RRAGB: variants seen among roughly 807,000 people sequenced by gnomAD.
RRAGB encodes Ras related GTP binding B.
Under a neutral mutation model 29.3 loss-of-function variants are expected in RRAGB, and 6 were observed. That is an observed-to-expected ratio of 0.21 (90% CI 0.11 to 0.40). RRAGB has a LOEUF of 0.40. Ranked by LOEUF, RRAGB falls within the 10% of genes least tolerant of loss-of-function variation. RRAGB has a pLI of 1.00. For synonymous variants in RRAGB, 101 were observed against 92.5 expected (o/e 1.09, Z -0.53); for missense variants, 184 against 272.9 (o/e 0.67, Z 2.29).
At chrX:55,735,182 G>A (rs775624761) in intron 5 of RRAGB, among the ~76,000 whole-genome samples, 11 of 111,669 alleles carry the variant, frequency 9.9e-5, no homozygotes, top group African/African-American at 3.2e-4. Flanking sequence ...TTGACTTTCC[G>A]CCACAATGAT....
intron 5 of RRAGB, among the ~76,000 whole-genome samples, chrX:55,743,257 G>A (rs1453105724): frequency 8.9e-6 from 1 of 112,443 alleles, no homozygotes; most frequent in East Asian, 2.8e-4. Flanking sequence ...TTTGGCAGAA[G>A]AAATGGATGC....
At chrX:55,749,669 T>C (rs1381948147) in intron 5 of RRAGB, among the ~76,000 whole-genome samples, 1 of 110,948 alleles carries the variant, frequency 9.0e-6, no homozygotes, top group Non-Finnish European at 1.9e-5. Context: ...CATGGGAGAC[T>C]TTTCATTTTG....
chrX:55,745,124 A>G (rs950149311), intron 5 of RRAGB, among the ~76,000 whole-genome samples: 1 of 112,326 alleles, frequency 8.9e-6, no homozygotes, highest in Non-Finnish European at 1.9e-5. Flanking sequence ...ACATGCAGCT[A>G]TCTTACCAGT....
At chrX:55,731,978 C>G (rs1391350775) in intron 5 of RRAGB, among the ~76,000 whole-genome samples, 2 of 111,870 alleles carry the variant, frequency 1.8e-5, no homozygotes, top group Non-Finnish European at 3.8e-5. Context: ...TGGTATGCAC[C>G]AGTTCAAGTG....
At chrX:55,749,009 T>G (rs777346010) in intron 5 of RRAGB, among the ~76,000 whole-genome samples, 11 of 56,349 alleles carry the variant, frequency 2.0e-4, no homozygotes, top group Admixed American at 4.2e-4. Flanking sequence ...GGGAGGGAGG[T>G]GGGGGGGTCA....
Position 55,757,331 on chromosome X carries a change from C to T in RRAGB, c.943C>T (p.Pro315Ser), listed in dbSNP as rs761912966. The change falls in exon 9 of 10, where the codon CCT (proline) becomes TCT (serine). Residue 315 changes from proline (P) to serine (S), a missense_variant and splice_region_variant. Transcript: ENST00000374941. ...VMVVMSDPSI[P>S]SAATLINIRN... is the part of the protein sequence containing the mutation. ...GGTTGTGATGTCTGATCCGTCCATT[C>T]GTAAGTTTAAACTTAGCTGACCTAG... 6.3e-6 allele frequency: 7 copies of T among 1,113,355 alleles called. No homozygotes were observed. Among genetic ancestry groups the T allele is most frequent in the Admixed American group, 4.4e-5 (2 of 44,998 alleles). 91.8% of individuals were successfully genotyped at this position (1,113,355 alleles called of 1,213,427 possible).
intron 4 of RRAGB, among the ~76,000 whole-genome samples, chrX:55,729,758 C>T: frequency 8.9e-6 from 1 of 112,334 alleles, no homozygotes; most frequent in Middle Eastern, 4.6e-3. Flanking sequence ...GTAGATCAGA[C>T]ACTGAGCACA....
At position 55,757,281 on chromosome X, in the gene RRAGB, T is replaced by C; in HGVS notation, c.893T>C (p.Ile298Thr). Reference sequence around the variant, plus strand: ...TCTAACTTCGCTGCTTTCATTGACATCTTTACATCCAACACTTATGTGATG... The same window carrying C: ...TCTAACTTCGCTGCTTTCATTGACACCTTTACATCCAACACTTATGTGATG... Reference protein sequence around the residue: ...RNSNFAAFIDIFTSNTYVMVV... With the variant: ...RNSNFAAFIDTFTSNTYVMVV... The change falls in exon 9 of 10, where the codon ATC becomes ACC. Residue 298 changes from isoleucine (I) to threonine (T), a missense_variant. Ile to Thr is a moderately conservative substitution (Grantham distance 89, BLOSUM62 -1). Transcript: ENST00000374941. 1 of 1,195,067 alleles carries C rather than the reference T, an allele frequency of 8.4e-7. No homozygotes were observed. Among genetic ancestry groups the C allele is most frequent in the Non-Finnish European group, 1.1e-6 (1 of 883,063 alleles).
intron 3 of RRAGB, among the ~76,000 whole-genome samples, chrX:55,723,296 G>A (rs964491827): frequency 3.6e-5 from 4 of 109,876 alleles, no homozygotes; most frequent in Non-Finnish European, 7.6e-5. Flanking sequence ...CACCCACAAC[G>A]ACGCCCAGCT....
intron 5 of RRAGB, among the ~76,000 whole-genome samples, chrX:55,742,990 G>A (rs1008788340): frequency 8.1e-5 from 9 of 111,556 alleles, no homozygotes; most frequent in Non-Finnish European, 1.5e-4. Flanking sequence ...CAAGAGGGTT[G>A]CCTAGCCTCG....
At position 55,755,939 on chromosome X, in the gene RRAGB, G is replaced by T; in HGVS notation, c.827+7G>T. 8.9e-7 allele frequency: 1 copy of T among 1,127,962 alleles called. No homozygotes were observed. The highest frequency in any genetic ancestry group is 3.0e-5 in the East Asian group (1 of 33,489). 93.0% of individuals were successfully genotyped at this position (1,127,962 alleles called of 1,213,427 possible). A position where few individuals can be genotyped will look rare whatever the true frequency, so the allele number is the denominator to read the frequency against. On this transcript the variant is annotated splice_region_variant and intron_variant, in intron 8 of 9. Transcript: ENST00000374941. ...AGTTCAAGCTGAGCTGCAGGTAAGA[G>T]ATCTAGTAGGAATGATCTGTTTATC...
chrX:55,754,309 C>A (rs762878927), intron 7 of RRAGB, among the ~76,000 whole-genome samples: 1 of 112,374 alleles, frequency 8.9e-6, no homozygotes, highest in Non-Finnish European at 1.9e-5. Context: ...GTAAATTGAA[C>A]TTAGCAACTA....
chrX:55,729,672 C>T, intron 4 of RRAGB, among the ~76,000 whole-genome samples: 1 of 111,719 alleles, frequency 9.0e-6, no homozygotes, highest in Admixed American at 9.5e-5. Flanking sequence ...CAGTGCTGAG[C>T]TCTTAGCTGT....
Position 55,758,335 on chromosome X carries a change from A to G in RRAGB, c.1033A>G (p.Met345Val). The G allele has an allele frequency of 8.5e-7, 1 of 1,178,016 alleles. No homozygotes were observed. The stretch of plus-strand genomic sequence containing the variant: ...GGATGGACCAAAGCAGTGTCTTCTC[A>G]TGCGCTAAACATTGATGAATATTGT... ...RVDGPKQCLLMR is the reference protein window; with the variant it reads ...RVDGPKQCLLVR The change falls in exon 10 of 10, where the codon ATG (methionine) becomes GTG (valine). Residue 345 changes from methionine (M) to valine (V), a missense_variant. Met to Val is a conservative substitution (Grantham distance 21). Coordinates refer to ENST00000374941, the MANE Select transcript of RRAGB (RefSeq NM_006064.5).
chrX:55,718,314 G>T lies in RRAGB; in HGVS notation c.-14G>T. 8.5e-7 allele frequency: 1 copy of T among 1,180,595 alleles called. No homozygotes were observed. Among genetic ancestry groups the T allele is most frequent in the Non-Finnish European group, 1.1e-6 (1 of 871,904 alleles). On this transcript the variant is annotated 5_prime_UTR_variant, in exon 1 of 10. The change creates a new upstream start codon in the 5' untranslated region. Transcript: ENST00000374941. ...CTGAAGATTTAGAAGGGACTGGAAA[G>T]GACTTGTTGCGCAATGGAAGAATCT...
chrX:55,746,493 C>G (rs1470607375), intron 5 of RRAGB, among the ~76,000 whole-genome samples: 2 of 111,915 alleles, frequency 1.8e-5, no homozygotes, highest in Middle Eastern at 4.2e-3. Context: ...TCAGTGGCAG[C>G]AGTTCCCACT....
In RRAGB at chrX:55,718,519, T is replaced by C; in HGVS notation, c.92+100T>C. 2 of 508,309 alleles carry C rather than the reference T, an allele frequency of 3.9e-6. 1 individual carries two copies. Among genetic ancestry groups the C allele is most frequent in the South Asian group, 8.3e-5 (2 of 24,061 alleles). The allele number at this position is 508,309 out of a possible 1,213,427, so 41.9% of individuals were successfully genotyped here. Reference sequence around the variant, plus strand: ...TCTCCCCACCCCGCACCATGATAAATTGCTTTGATTTACCAGTAATGTTGA... The same window carrying C: ...TCTCCCCACCCCGCACCATGATAAACTGCTTTGATTTACCAGTAATGTTGA... On this transcript the variant is annotated intron_variant, in intron 1 of 9. Coordinates refer to ENST00000374941, the MANE Select transcript of RRAGB (RefSeq NM_006064.5).
chrX:55,726,734 A>T (rs969490559), intron 3 of RRAGB, among the ~76,000 whole-genome samples: 7 of 111,584 alleles, frequency 6.3e-5, no homozygotes, highest in African/African-American at 2.3e-4. Flanking sequence ...AGACTGAAAG[A>T]GGAATAGATT....
At chrX:55,721,322 GGAGGACA>G (rs1326929222) in intron 2 of RRAGB, among the ~76,000 whole-genome samples, 1 of 112,087 alleles carries the variant, frequency 8.9e-6, no homozygotes, top group East Asian at 2.8e-4. Flanking sequence ...CAGTGCCATG[GGAGGACA>G]GAGGTAAGAC....
Sources: gnomAD v4.1 joint callset for allele counts (sites outside exome capture counted in the v4.1 genomes callset) on GRCh38, gnomAD v4.1.1 for gene constraint, MANE v1.5 for transcripts, NCBI Gene and HGNC (gene_info 2026-07-23, HGNC 2026-07-21) for gene names.